RIMS2: variants seen among roughly 807,000 people sequenced by gnomAD.
RIMS2 encodes the protein regulating synaptic membrane exocytosis protein 2.
A neutral mutation model predicts 174.4 loss-of-function variants in RIMS2; 59 were observed. The ratio of observed to expected loss-of-function variants is 0.34; its 90% CI spans 0.27 to 0.42. The LOEUF is 0.42. Among genes scored for constraint, RIMS2 ranks in the 10% least tolerant of loss-of-function variants. RIMS2 has a pLI of 1.00. For synonymous variants in RIMS2, 606 were observed against 572.5 expected, an observed-to-expected ratio of 1.06 and a Z score of -0.84; for missense variants, 1,620 against 1,666.3, an observed-to-expected ratio of 0.97 and a Z score of 0.48.
intron 1 of RIMS2, among the ~76,000 whole-genome samples, chr8:103,557,087 C>T (rs577903922): frequency 2.6e-5 from 4 of 152,218 alleles, no homozygotes; most frequent in Admixed American, 2.0e-4. Context: ...TCTTCTGATT[C>T]GGGAGAATTA....
At chr8:104,149,031 G>C (rs1050262564) in intron 19 of RIMS2, among the ~76,000 whole-genome samples, 183 bp downstream of exon 25, 1 of 152,164 alleles carries the variant, frequency 6.6e-6, no homozygotes, top group Admixed American at 6.5e-5. Flanking sequence ...TGATCAATGA[G>C]CCTGCTTCCA....
chr8:103,876,880 A>ATTATATATATATATATATATATAT (rs1172606971), intron 3 of RIMS2, among the ~76,000 whole-genome samples: 1 of 35,694 alleles, frequency 2.8e-5, no homozygotes, highest in Non-Finnish European at 6.4e-5. Flanking sequence ...ATATATATAT[A>ATTATATATATATATATATATATAT]TATATATATA....
At chr8:103,674,324 T>C (rs186887279) in intron 1 of RIMS2, among the ~76,000 whole-genome samples, 1 of 152,300 alleles carries the variant, frequency 6.6e-6, no homozygotes, top group East Asian at 1.9e-4. Flanking sequence ...GGTATCTTTA[T>C]AGCAATGCCC....
chr8:103,583,399 A>C (rs1366186262), intron 1 of RIMS2, among the ~76,000 whole-genome samples: 1 of 152,220 alleles, frequency 6.6e-6, no homozygotes, highest in Non-Finnish European at 1.5e-5. Flanking sequence ...ATCTGCTAGC[A>C]TCAACACCAT....
intron 19 of RIMS2, among the ~76,000 whole-genome samples, chr8:104,168,246 G>A (rs1170334472): frequency 6.6e-6 from 1 of 151,932 alleles, no homozygotes; most frequent in Non-Finnish European, 1.5e-5. Flanking sequence ...TCTGTAGATT[G>A]CTTTGGGCAG....
At chr8:104,224,255 C>T (rs970145998) in intron 19 of RIMS2, among the ~76,000 whole-genome samples, 4 of 152,166 alleles carry the variant, frequency 2.6e-5, no homozygotes, top group African/African-American at 9.7e-5. Flanking sequence ...GAAGGGGTTA[C>T]ACAGTGGACA....
chr8:103,915,359 A>C lies in RIMS2; in HGVS notation c.1813-136A>C, dbSNP rs1479225967. ...GCTAACCTAATAGAGACAATAAATTATTTAAGAAATCATTTTCTGTACATT... is the reference window on the plus strand; with the variant it reads ...GCTAACCTAATAGAGACAATAAATTCTTTAAGAAATCATTTTCTGTACATT... On this transcript the variant is annotated intron_variant, in intron 6 of 23. Transcript: ENST00000504942. 5 of 481,348 alleles carry C rather than the reference A, an allele frequency of 1.0e-5. No individual in the cohort carries two copies. The East Asian group carries it at 1.6e-4, about 15-fold the overall frequency. 29.8% of individuals were successfully genotyped at this position (481,348 alleles called of 1,614,324 possible).
At chr8:104,060,304 T>G (rs2154560252) in intron 19 of RIMS2, among the ~76,000 whole-genome samples, 1 of 150,256 alleles carries the variant, frequency 6.7e-6, no homozygotes, top group East Asian at 1.9e-4. Context: ...CTTGGGAGAG[T>G]GTATGTGTCG....
chr8:104,045,075 C>G (rs1286664542), intron 19 of RIMS2, among the ~76,000 whole-genome samples: 1 of 151,754 alleles, frequency 6.6e-6, no homozygotes, highest in Admixed American at 6.6e-5. Flanking sequence ...TCTTTATTAG[C>G]CTGTCACTCA....
chr8:103,664,274 C>A (rs2096640649), intron 1 of RIMS2, among the ~76,000 whole-genome samples: 1 of 152,106 alleles, frequency 6.6e-6, no homozygotes, highest in South Asian at 2.1e-4. Flanking sequence ...CCAAAATAGA[C>A]AAATGGGATC....
At chr8:103,852,429 C>CT (rs2099004007) in intron 3 of RIMS2, among the ~76,000 whole-genome samples, 1 of 138,142 alleles carries the variant, frequency 7.2e-6, no homozygotes, top group Non-Finnish European at 1.6e-5. Context: ...TTTTTTTTTA[C>CT]TTTTTTTAAG....
At chr8:103,532,918 A>G (rs1264200552) in intron 1 of RIMS2, among the ~76,000 whole-genome samples, 2 of 152,240 alleles carry the variant, frequency 1.3e-5, no homozygotes, top group African/African-American at 4.8e-5. Context: ...AAAGTACAGT[A>G]GAGTATGAGT....
In RIMS2 at chr8:103,675,672, G is replaced by A. The variant is rs185540873; in HGVS notation, c.177-21414G>A. On this transcript the variant is annotated intron_variant, in intron 1 of 23. Coordinates refer to ENST00000504942, the Ensembl canonical transcript of RIMS2. ...CCAGTACACCCAGGCAGAAATTACCGTATTATATTTAACTGACAATTATGA... is the reference window on the plus strand; with the variant it reads ...CCAGTACACCCAGGCAGAAATTACCATATTATATTTAACTGACAATTATGA... Among the ~76,000 whole-genome samples, 24 of 152,048 alleles carry A rather than the reference G, an allele frequency of 1.6e-4. No individual in the cohort carries two copies. The East Asian group carries it at 2.3e-3, about 15-fold the overall frequency.
At chr8:104,002,314 A>G (rs1224457104) in intron 17 of RIMS2, among the ~76,000 whole-genome samples, 3 of 152,046 alleles carry the variant, frequency 2.0e-5, no homozygotes, top group Admixed American at 1.3e-4. Context: ...TTACATATCC[A>G]GAAGTTGAAT....
intron 2 of RIMS2, among the ~76,000 whole-genome samples, chr8:103,760,497 G>C (rs373332891): frequency 6.6e-6 from 1 of 152,244 alleles, no homozygotes; most frequent in Non-Finnish European, 1.5e-5. Context: ...GCAGTGCTGG[G>C]TGAGGGCTTG....
In RIMS2 at chr8:103,914,342, C is replaced by T. The variant is rs183387461; in HGVS notation, c.1813-1153C>T. The stretch of plus-strand genomic sequence containing the variant: ...ACAGGAGTTACTAGTTACGTGAAAC[C>T]GGACAAATAAACTTCTCTTAGCTTT... On this transcript the variant is annotated intron_variant, in intron 6 of 23. Coordinates refer to ENST00000504942, the Ensembl canonical transcript of RIMS2. Among the ~76,000 whole-genome samples, 424 of 152,136 alleles carry T rather than the reference C, an allele frequency of 2.8e-3. 1 individual carries two copies. Among genetic ancestry groups the T allele is most frequent in the Middle Eastern group, 0.014 (4 of 294 alleles).
chr8:104,145,780 T>C (rs2098633295), intron 19 of RIMS2, among the ~76,000 whole-genome samples: 2 of 151,928 alleles, frequency 1.3e-5, no homozygotes, highest in Admixed American at 6.6e-5. Flanking sequence ...GGAGAATCAC[T>C]TGAACCCGGG....
At chr8:104,162,167 T>G (rs139895435) in intron 19 of RIMS2, among the ~76,000 whole-genome samples, 96 of 152,270 alleles carry the variant, frequency 6.3e-4, no homozygotes, top group African/African-American at 2.2e-3. Flanking sequence ...TGGGGGACCA[T>G]TCTGTCTACC....
chr8:103,856,848 C>T (rs1392978863), intron 3 of RIMS2, among the ~76,000 whole-genome samples: 1 of 151,484 alleles, frequency 6.6e-6, no homozygotes, highest in Non-Finnish European at 1.5e-5. Context: ...GCTTTGTCGC[C>T]CAGGCTGGAG....
Sources: gnomAD v4.1 joint callset for allele counts (sites outside exome capture counted in the v4.1 genomes callset) on GRCh38, gnomAD v4.1.1 for gene constraint, MANE v1.5 for transcripts, NCBI Gene and HGNC (gene_info 2026-07-23, HGNC 2026-07-21) for gene names.